RCAN2: variants seen among roughly 807,000 people sequenced by gnomAD.
The protein encoded by RCAN2 is regulator of calcineurin 2.
In RCAN2, 9 loss-of-function variants were observed where a neutral mutation model predicts 23.6. That is an observed-to-expected ratio of 0.38 (90% CI 0.23 to 0.67). The LOEUF (loss-of-function observed/expected upper bound fraction) is 0.67, where lower values mean the gene tolerates loss of function less well. Among genes scored for constraint, RCAN2 ranks in the 30% least tolerant of loss-of-function variants. RCAN2 has a pLI of 0.51. For synonymous variants in RCAN2, 109 were observed against 115.7 expected, an observed-to-expected ratio of 0.94 and a Z score of 0.37; for missense variants, 273 against 302.3, an observed-to-expected ratio of 0.90 and a Z score of 0.72.
At chr6:46,229,856 G>T (rs1305077845) in intron 4 of RCAN2, among the ~76,000 whole-genome samples, 1 of 152,174 alleles carries the variant, frequency 6.6e-6, no homozygotes, top group Non-Finnish European at 1.5e-5. Flanking sequence ...GAGGTGCTCT[G>T]ATTTTTAGAA....
intron 2 of RCAN2, among the ~76,000 whole-genome samples, chr6:46,329,913 A>AG (rs1038349110): frequency 2.6e-5 from 4 of 152,196 alleles, no homozygotes; most frequent in African/African-American, 9.6e-5. Flanking sequence ...TCTCAGCAGG[A>AG]GGAGATGCAC....
At chr6:46,227,812 G>T (rs1192608745) in intron 4 of RCAN2, among the ~76,000 whole-genome samples, 1 of 151,558 alleles carries the variant, frequency 6.6e-6, no homozygotes, top group East Asian at 1.9e-4. Flanking sequence ...TTAGCCTTCT[G>T]CTAGCTTTTG....
chr6:46,471,266 A>T (rs1009765717), intron 1 of RCAN2, among the ~76,000 whole-genome samples: 9 of 152,190 alleles, frequency 5.9e-5, no homozygotes, highest in Non-Finnish European at 2.9e-5. Context: ...AAAATAATTT[A>T]TCTGGCTGTT....
chr6:46,239,307 T>C (rs1766216695), intron 4 of RCAN2, among the ~76,000 whole-genome samples: 1 of 152,202 alleles, frequency 6.6e-6, no homozygotes, highest in Admixed American at 6.5e-5. Context: ...GGAAAGAGGA[T>C]TTGGGATTAA....
At chr6:46,487,363 T>G (rs577013038) in intron 1 of RCAN2, among the ~76,000 whole-genome samples, 1 of 152,326 alleles carries the variant, frequency 6.6e-6, no homozygotes, top group East Asian at 1.9e-4. Flanking sequence ...TACACTTCTT[T>G]CTTAGATAAA....
intron 2 of RCAN2, among the ~76,000 whole-genome samples, chr6:46,253,938 T>G (rs187271732): frequency 4.0e-4 from 61 of 152,324 alleles, no homozygotes; most frequent in Admixed American, 1.1e-3. Flanking sequence ...AGCTTGGATG[T>G]GTAGTACGCT....
In RCAN2 at chr6:46,487,178, C is replaced by T. The variant is rs568765476; in HGVS notation, c.-3+3995G>A. Among the ~76,000 whole-genome samples the T allele has an allele frequency of 2.0e-5, 3 of 152,272 alleles. No homozygotes were observed. In the South Asian group the frequency reaches 6.2e-4, roughly 32 times the overall value. ...ATGACCAACCTTGGCAATACTATTT[C>T]TTTATTTACAGCAACATTGGCCTCC... On this transcript the variant is annotated intron_variant, in intron 1 of 4. Transcript: ENST00000371374.
At chr6:46,324,975 A>G (rs923751022) in intron 2 of RCAN2, among the ~76,000 whole-genome samples, 26 of 152,236 alleles carry the variant, frequency 1.7e-4, no homozygotes, top group Non-Finnish European at 1.9e-4. Context: ...GACATGCCAG[A>G]AAGGGTTATT....
At chr6:46,257,726 G>C (rs1192926111) in intron 2 of RCAN2, among the ~76,000 whole-genome samples, 1 of 152,154 alleles carries the variant, frequency 6.6e-6, no homozygotes, top group Non-Finnish European at 1.5e-5. Context: ...GATGAGATTT[G>C]GGTGGGGACG....
intron 2 of RCAN2, among the ~76,000 whole-genome samples, chr6:46,420,951 C>G (rs1244478275): frequency 1.3e-5 from 2 of 152,164 alleles, no homozygotes; most frequent in Admixed American, 1.3e-4. Context: ...CTGTGCTAGG[C>G]ACTAAGGAGG....
At chr6:46,320,621 G>A (rs1026731098) in intron 2 of RCAN2, among the ~76,000 whole-genome samples, 1 of 152,214 alleles carries the variant, frequency 6.6e-6, no homozygotes, top group African/African-American at 2.4e-5. Context: ...GAAAGGCTAA[G>A]AGATTGTCCC....
chr6:46,477,477 G>A (rs1182587740), intron 1 of RCAN2, among the ~76,000 whole-genome samples: 2 of 152,144 alleles, frequency 1.3e-5, no homozygotes, highest in Non-Finnish European at 2.9e-5. Context: ...TGGGGCTTTG[G>A]CAAGCTATTT....
intron 4 of RCAN2, among the ~76,000 whole-genome samples, chr6:46,234,530 TG>T (rs1251285783): frequency 3.3e-5 from 5 of 152,118 alleles, no homozygotes. Context: ...AACAGACCAA[TG>T]GAACCAGCAT....
chr6:46,263,543 G>GTGTGTGTA (rs1561834102), intron 2 of RCAN2, among the ~76,000 whole-genome samples: 1 of 124,010 alleles, frequency 8.1e-6, no homozygotes, highest in East Asian at 2.3e-4. Context: ...GTGTGTATGT[G>GTGTGTGTA]TGTGTGTGTG....
intron 2 of RCAN2, among the ~76,000 whole-genome samples, chr6:46,408,491 C>T (rs1766468681): frequency 6.6e-6 from 1 of 152,180 alleles, no homozygotes; most frequent in Non-Finnish European, 1.5e-5. Flanking sequence ...TTCTCTATGT[C>T]ATTGCAATAT....
chr6:46,250,978 T>G (rs1766692325), intron 2 of RCAN2, among the ~76,000 whole-genome samples: 1 of 152,110 alleles, frequency 6.6e-6, no homozygotes, highest in Non-Finnish European at 1.5e-5. Context: ...TATCTTTGAC[T>G]CCTTTGTCTG....
chr6:46,263,503 A>ATGTGTGTG (rs879389951), intron 2 of RCAN2, among the ~76,000 whole-genome samples: 1 of 70,556 alleles, frequency 1.4e-5, no homozygotes, highest in Non-Finnish European at 3.2e-5. Context: ...GTATGTGTGT[A>ATGTGTGTG]TGTGTGTGTA....
chr6:46,291,035 C>A (rs879875104), intron 2 of RCAN2, among the ~76,000 whole-genome samples: 1 of 152,120 alleles, frequency 6.6e-6, no homozygotes, highest in Non-Finnish European at 1.5e-5. Context: ...ATGACCTTCA[C>A]CTAATAGGTA....
At chr6:46,365,113 A>G (rs1582144203) in intron 2 of RCAN2, among the ~76,000 whole-genome samples, 1 of 152,202 alleles carries the variant, frequency 6.6e-6, no homozygotes, top group Non-Finnish European at 1.5e-5. Flanking sequence ...TAATAATAAT[A>G]TAAAGTACAT....
Sources: gnomAD v4.1 joint callset for allele counts (sites outside exome capture counted in the v4.1 genomes callset) on GRCh38, gnomAD v4.1.1 for gene constraint, MANE v1.5 for transcripts, NCBI Gene and HGNC (gene_info 2026-07-23, HGNC 2026-07-21) for gene names.